The following TUT1 variants were observed in gnomAD, a reference collection of about 807,000 sequenced individuals.
TUT1 encodes the protein speckle targeted PIP5K1A-regulated poly(A) polymerase.
TUT1 carries 26 observed loss-of-function variants against 48.8 expected under a neutral mutation model. The observed-to-expected ratio is 0.53, with a 90% CI of 0.39 to 0.74. The LOEUF (loss-of-function observed/expected upper bound fraction) is 0.74. Ranked by LOEUF, TUT1 falls within the 30% of genes least tolerant of loss-of-function variation. The pLI, the probability that TUT1 is intolerant of heterozygous loss-of-function variation, is 0.00. For missense variants in TUT1, 1,065 were observed against 1,114.8 expected (o/e 0.96, Z 0.64); for synonymous variants, 470 against 460.8 (o/e 1.02, Z -0.26).
At chr11:62,580,765 C>T (rs902277145) in intron 4 of TUT1, among the ~76,000 whole-genome samples, 3 of 151,578 alleles carry the variant, frequency 2.0e-5, no homozygotes, top group African/African-American at 7.3e-5. Flanking sequence ...ACACACCCAG[C>T]TAATTTTTGT....
chr11:62,584,468 G>A (rs1452652495), intron 2 of TUT1, among the ~76,000 whole-genome samples: 1 of 145,434 alleles, frequency 6.9e-6, no homozygotes, highest in African/African-American at 2.6e-5. Context: ...TTGAGATGGA[G>A]TTTCGTTCTG....
chr11:62,581,176 A>C lies in TUT1; in HGVS notation c.620T>G (p.Ile207Arg), dbSNP rs1941818766. The C allele has an allele frequency of 6.2e-7, 1 of 1,614,172 alleles. No individual in the cohort carries two copies. The highest frequency in any genetic ancestry group is 2.2e-5 in the East Asian group (1 of 44,878). The change falls in exon 4 of 9, where the codon ATA (isoleucine) becomes AGA (arginine). Residue 207 changes from isoleucine (I) to arginine (R), a missense_variant. By Grantham distance (97) the Ile-to-Arg change is moderately conservative. Transcript: ENST00000476907. ...GCVVHPFGSS[I>R]NSFDVHGCDL... The stretch of plus-strand genomic sequence containing the variant: ...ACAGCCATGGACATCGAAGCTATTT[A>C]TGGAAGAGCCAAAAGGGTGGACCAC...
chr11:62,587,282 A>G (rs1014891850), intron 2 of TUT1, among the ~76,000 whole-genome samples: 1 of 151,948 alleles, frequency 6.6e-6, no homozygotes, highest in Non-Finnish European at 1.5e-5. Context: ...CCCGGGTTCA[A>G]GCGATTCTCC....
At chr11:62,586,580 A>T (rs1429012511) in intron 2 of TUT1, among the ~76,000 whole-genome samples, 1 of 152,104 alleles carries the variant, frequency 6.6e-6, no homozygotes, top group Non-Finnish European at 1.5e-5. Context: ...GGAGTTCAAG[A>T]CCAGCATGGC....
At chr11:62,586,350 C>T (rs890949986) in intron 2 of TUT1, among the ~76,000 whole-genome samples, 1 of 152,242 alleles carries the variant, frequency 6.6e-6, no homozygotes, top group Non-Finnish European at 1.5e-5. Context: ...AACTGCCTCA[C>T]AAGCAGTGTC....
intron 8 of TUT1, 52 bp downstream of exon 8, chr11:62,576,605 C>T (rs1941732589): frequency 6.8e-7 from 1 of 1,468,046 alleles, no homozygotes; most frequent in African/African-American, 1.4e-5. Flanking sequence ...TATATGTTAC[C>T]TACTGTTGAT....
chr11:62,581,336 G>C, intron 3 of TUT1, 50 bp downstream of exon 3: 1 of 1,568,802 alleles, frequency 6.4e-7, no homozygotes, highest in South Asian at 1.2e-5. Flanking sequence ...TACAGACACA[G>C]GAGAGCAAAG....
chr11:62,579,522 TAG>T (rs527805784), intron 4 of TUT1, among the ~76,000 whole-genome samples: 2 of 152,118 alleles, frequency 1.3e-5, no homozygotes, highest in Non-Finnish European at 2.9e-5. Flanking sequence ...AAAATATAAA[TAG>T]AGAGTGTGTG....
At chr11:62,584,161 C>T (rs1310873734) in intron 2 of TUT1, among the ~76,000 whole-genome samples, 2 of 144,512 alleles carry the variant, frequency 1.4e-5, no homozygotes, top group African/African-American at 2.6e-5. Context: ...CAGAGTGTCT[C>T]TGTCACTCAG....
intron 1 of TUT1, among the ~76,000 whole-genome samples, chr11:62,590,636 CAA>C (rs533721845): frequency 4.5e-4 from 30 of 66,346 alleles, no homozygotes; most frequent in Admixed American, 5.1e-4. Flanking sequence ...GACTCTGTCT[CAA>C]AAAAAAAAAA....
intron 5 of TUT1, 32 bp downstream of exon 5, chr11:62,578,529 G>A (rs1941768167): frequency 6.5e-7 from 1 of 1,547,488 alleles, no homozygotes. Context: ...TGGGCAACGA[G>A]TGAAATGTCG....
In TUT1 at chr11:62,575,567, T is replaced by C. The variant is rs1447243094; in HGVS notation, c.2152A>G (p.Thr718Ala). The change falls in exon 9 of 9, where the codon ACT (threonine) becomes GCT (alanine). Residue 718 changes from threonine to alanine, a missense_variant. Physicochemically the swap from Thr to Ala is moderately conservative, Grantham distance 58 (BLOSUM62 0). Transcript: ENST00000476907. ...TCTCCAGGGGCTCCATGCTTTCCAG[T>C]GGTCAGGGGCAGGTCCCCTGGCTGC... ...PGQPGDLPLT[T>A]GKHGAPGEEG... The C allele has an allele frequency of 6.2e-7, 1 of 1,614,062 alleles. No individual in the cohort carries two copies. The highest frequency in any genetic ancestry group is 1.7e-5 in the Admixed American group (1 of 60,024).
At chr11:62,585,856 C>T (rs1304294864) in intron 2 of TUT1, among the ~76,000 whole-genome samples, 1 of 152,024 alleles carries the variant, frequency 6.6e-6, no homozygotes, top group Non-Finnish European at 1.5e-5. Context: ...AGCCTGTAAT[C>T]CCAGCACTTT....
In TUT1 at chr11:62,576,956, G is replaced by A. The variant is rs367846143; in HGVS notation, c.1332C>T (p.Thr444=). The A allele has an allele frequency of 8.7e-6, 14 of 1,614,002 alleles. No individual in the cohort carries two copies. In the African/African-American group the frequency reaches 1.9e-4, roughly 22 times the overall value. ...CAGTGGGCAACACAGGAGGGTCCCT[G>A]GTCTGAAGAAAATAGATCACCAGCA... ...LTLLVIYFLQ[T]RDPPVLPTVS... Residue 444 remains threonine (T), a synonymous_variant, in exon 7 of 9, where the codon ACC becomes ACT. Coordinates refer to ENST00000476907, the MANE Select transcript of TUT1 (RefSeq NM_022830.3).
Position 62,578,857 on chromosome 11 carries a change from T to C in TUT1, c.864A>G (p.Gln288=), listed in dbSNP as rs1286531341. 1 of 1,612,428 alleles carries C rather than the reference T, an allele frequency of 6.2e-7. No individual in the cohort carries two copies. The highest frequency in any genetic ancestry group is 8.5e-7 in the Non-Finnish European group (1 of 1,179,010). The change falls in exon 5 of 9, where the codon CAA becomes CAG. Residue 288 remains glutamine, a synonymous_variant. Coordinates refer to ENST00000476907, the MANE Select transcript of TUT1 (RefSeq NM_022830.3). ...FETPSSSLAP[Q]TPDSALASET... Reference sequence around the variant, plus strand: ...CGGAGGCCAAGGCAGAGTCCGGAGTTTGGGGCGCCAGGGAGGAGGAAGGGG... The same window carrying C: ...CGGAGGCCAAGGCAGAGTCCGGAGTCTGGGGCGCCAGGGAGGAGGAAGGGG...
Position 62,576,027 on chromosome 11 carries a change from C to T in TUT1, c.1692G>A (p.Gln564=). 1.2e-6 allele frequency: 2 copies of T among 1,613,798 alleles called. No individual in the cohort carries two copies. The highest frequency in any genetic ancestry group is 1.7e-6 in the Non-Finnish European group (2 of 1,180,014). The change falls in exon 9 of 9, where the codon CAG becomes CAA. Residue 564 remains glutamine (Q), a synonymous_variant. Transcript: ENST00000476907. The part of the protein sequence containing the change: ...NVTSRVAGRL[Q]NCCRAAANYC... ...AATTGGCTGCTGCTCGGCAGCAGTT[C>T]TGTAGGCGCCCAGCCACCCGGCTGG...
chr11:62,581,453 C>A lies in TUT1; in HGVS notation c.522G>T (p.Glu174Asp). Residue 174 changes from glutamate (E) to aspartate (D), a missense_variant, in exon 3 of 9, where the codon GAG (glutamate) becomes GAT (aspartate). Transcript: ENST00000476907. ...CTAGGCTGCGAAGCTGCCGCTCGGCCTCGGACAACTCCCTCAGCCCCACAA... is the reference window on the plus strand; with the variant it reads ...CTAGGCTGCGAAGCTGCCGCTCGGCATCGGACAACTCCCTCAGCCCCACAA... The part of the protein sequence containing the change: ...IKLVGLRELS[E>D]AERQLRSLVV... 5 of 1,613,998 alleles carry A rather than the reference C, an allele frequency of 3.1e-6. No individual in the cohort carries two copies. The highest frequency in any genetic ancestry group is 4.2e-6 in the Non-Finnish European group (5 of 1,179,996).
In TUT1 at chr11:62,575,640, A is replaced by T; in HGVS notation, c.2079T>A (p.Val693=). The T allele has an allele frequency of 6.2e-7, 1 of 1,613,850 alleles. No homozygotes were observed. Residue 693 remains valine, a synonymous_variant, in exon 9 of 9, where the codon GTT becomes GTA. Coordinates refer to ENST00000476907, the MANE Select transcript of TUT1 (RefSeq NM_022830.3). ...CCTGCACCATCTCTCCAACCTCTAT[A>T]ACCATCTCTTCTACCCTGTCTTCCC... is the stretch of plus-strand genomic sequence containing the variant. ...DGGEDRVEEM[V]IEVGEMVQDW...
At chr11:62,588,983 C>T (rs370994329) in intron 2 of TUT1, 48 bp downstream of exon 2, 125 of 1,555,966 alleles carry the variant, frequency 8.0e-5, no homozygotes, top group Non-Finnish European at 1.0e-4. Context: ...CGTGAGCCAT[C>T]GCGCCCAGCA....
Sources: allele counts gnomAD v4.1 joint callset (sites outside exome capture counted in the v4.1 genomes callset), GRCh38; gene constraint gnomAD v4.1.1; transcripts MANE v1.5; gene names NCBI Gene and HGNC (gene_info 2026-07-23, HGNC 2026-07-21).